The following RORA variants were observed in gnomAD, a reference collection of about 807,000 sequenced individuals.
RORA encodes the protein nuclear receptor ROR-alpha.
In RORA, 7 loss-of-function variants were observed where a neutral mutation model predicts 69.5. That is an observed-to-expected ratio of 0.10 (90% CI 0.06 to 0.19). The LOEUF is 0.19. Ranked by LOEUF, RORA falls within the 10% of genes least tolerant of loss-of-function variation. The pLI, the probability that RORA is intolerant of heterozygous loss-of-function variation, is 1.00. For missense variants in RORA, 457 were observed against 663.0 expected (o/e 0.69, Z 3.41); for synonymous variants, 261 against 240.8 (o/e 1.08, Z -0.78).
chr15:60,639,540 T>C (rs1009166094), intron 2 of RORA, among the ~76,000 whole-genome samples: 5 of 152,154 alleles, frequency 3.3e-5, no homozygotes, highest in African/African-American at 1.2e-4. Context: ...GCTCAGATAC[T>C]GTCAAGGCCA....
rs1321194732 is a variant in RORA, at chr15:61,147,365, T to C, written c.166+81688A>G. On this transcript the variant is annotated intron_variant, in intron 1 of 10. Transcript: ENST00000335670. The surrounding 1 kb of genome is among the most constrained non-coding windows in gnomAD (Gnocchi z 4.1). ...CTTCCAGTTCCTGCTGGAAGCCATG[T>C]TGCCTGGGCACCGTGAGGCTCACCC... Among the ~76,000 whole-genome samples the C allele has an allele frequency of 6.6e-6, 1 of 152,136 alleles. No individual in the cohort carries two copies. The highest frequency in any genetic ancestry group is 1.5e-5 in the Non-Finnish European group (1 of 68,018).
intron 2 of RORA, among the ~76,000 whole-genome samples, chr15:60,565,463 A>T (rs896012455): frequency 6.6e-6 from 1 of 152,226 alleles, no homozygotes; most frequent in Admixed American, 6.5e-5. Flanking sequence ...CATTTGTCCA[A>T]TATCGTCCCA....
intron 1 of RORA, among the ~76,000 whole-genome samples, chr15:60,736,377 C>T (rs1273134455): frequency 6.6e-6 from 1 of 152,100 alleles, no homozygotes; most frequent in Non-Finnish European, 1.5e-5. Context: ...TTCCAACTAG[C>T]AATAATCAGG....
chr15:61,153,022 G>A (rs74018506), intron 1 of RORA, among the ~76,000 whole-genome samples: 7,470 of 152,174 alleles, frequency 0.049, 196 homozygotes, highest in Middle Eastern at 0.099. Flanking sequence ...CCTTTGAAGG[G>A]TGGGTAGGTG....
chr15:60,986,573 G>C (rs1433382773), intron 1 of RORA, among the ~76,000 whole-genome samples: 1 of 152,190 alleles, frequency 6.6e-6, no homozygotes, highest in Non-Finnish European at 1.5e-5. Flanking sequence ...GGGAGCTTTA[G>C]ACATGGGCTC....
Position 60,610,915 on chromosome 15 carries a change from A to AT in RORA, c.196+67741dup, listed in dbSNP as rs201891410. On this transcript the variant is annotated intron_variant, in intron 2 of 10. Transcript: ENST00000335670. ...AAATGATTCTGTTTTCATGCAGATC[A>AT]TTGTCGATAACTCCTCAGGACTGAG... is the stretch of plus-strand genomic sequence containing the variant. Among the ~76,000 whole-genome samples the AT allele has an allele frequency of 3.9e-3, 587 of 152,318 alleles. 9 individuals are homozygous for AT. The highest frequency in any genetic ancestry group is 0.023 in the Admixed American group (346 of 15,300).
At chr15:60,997,039 T>TTGTGTG (rs10687177) in intron 1 of RORA, among the ~76,000 whole-genome samples, 90 of 148,416 alleles carry the variant, frequency 6.1e-4, no homozygotes, top group East Asian at 3.2e-3. Flanking sequence ...ATATTGGGGT[T>TTGTGTG]TGTGTGTGTG....
intron 1 of RORA, among the ~76,000 whole-genome samples, chr15:61,227,495 T>A (rs2080158038): frequency 6.6e-6 from 1 of 152,114 alleles, no homozygotes; most frequent in African/African-American, 2.4e-5. Context: ...TTAAATGTTT[T>A]TCGCGTGTGT....
intron 1 of RORA, among the ~76,000 whole-genome samples, chr15:60,992,681 G>A (rs1051663150): frequency 4.3e-5 from 6 of 139,024 alleles, no homozygotes; most frequent in Non-Finnish European, 9.6e-5. Flanking sequence ...CTCTGACACC[G>A]TGGATGTTTT....
intron 1 of RORA, among the ~76,000 whole-genome samples, chr15:61,086,041 C>T (rs2078619978): frequency 1.3e-5 from 2 of 152,242 alleles, no homozygotes; most frequent in Admixed American, 1.3e-4. Context: ...TAGTCTCACA[C>T]ATTGTGTAAA....
At chr15:60,972,789 G>T (rs1893757165) in intron 1 of RORA, among the ~76,000 whole-genome samples, 1 of 152,126 alleles carries the variant, frequency 6.6e-6, no homozygotes, top group Non-Finnish European at 1.5e-5. Context: ...TTTAAATGTG[G>T]TAAAGCATGT....
rs1218889727 is a variant in RORA, at chr15:61,229,057, G to T, written c.162C>A (p.Ser54Arg). Reference protein sequence around the residue: ...PVRRQSYSSTSRGISVTKKTH... With the variant: ...PVRRQSYSSTRRGISVTKKTH... The stretch of plus-strand genomic sequence containing the variant: ...AGCCCCTCTCCAGCCTCCTACCTCT[G>T]CTGGTGCTGGAATAGCTCTGTCTGC... The change falls in exon 1 of 11, where the codon AGC becomes AGA. Residue 54 changes from serine to arginine, a missense_variant. Ser to Arg is a moderately radical substitution (Grantham distance 110, BLOSUM62 -1). Transcript: ENST00000335670. 6.6e-7 allele frequency: 1 copy of T among 1,523,340 alleles called. No individual in the cohort carries two copies. Among genetic ancestry groups the T allele is most frequent in the Non-Finnish European group, 8.8e-7 (1 of 1,135,482 alleles). 94.4% of individuals were successfully genotyped at this position (1,523,340 alleles called of 1,614,324 possible).
intron 1 of RORA, among the ~76,000 whole-genome samples, chr15:60,975,816 TCTTA>T (rs2140355665): frequency 6.6e-6 from 1 of 152,330 alleles, no homozygotes; most frequent in South Asian, 2.1e-4. Context: ...ATGTGTCCCC[TCTTA>T]CTTCACAGCC....
At position 61,128,086 on chromosome 15, in the gene RORA, G is replaced by A. The variant is rs140121848; in HGVS notation, c.166+100967C>T. 1.1e-3 allele frequency among the ~76,000 whole-genome samples: 170 copies of A among 152,218 alleles called. No individual in the cohort carries two copies. Among genetic ancestry groups the A allele is most frequent in the African/African-American group, 4.0e-3 (167 of 41,528 alleles). On this transcript the variant is annotated intron_variant, in intron 1 of 10. Transcript: ENST00000335670. This position sits in a 1 kb window ranked among gnomAD's most constrained non-coding sequence, Gnocchi z 4.5. ...AGGGAAGGAGAAAGGGAGGGAAAAT[G>A]CTTTTGGTTTCACACTGAAACATAA...
chr15:60,562,435 G>C (rs55731630), intron 2 of RORA, among the ~76,000 whole-genome samples: 4,913 of 148,262 alleles, frequency 0.033, 272 homozygotes, highest in African/African-American at 0.11. Flanking sequence ...CGGGGTTGGG[G>C]GGGGGTTGCT....
chr15:61,073,800 G>A (rs2078406424), intron 1 of RORA, among the ~76,000 whole-genome samples: 1 of 152,130 alleles, frequency 6.6e-6, no homozygotes, highest in East Asian at 1.9e-4. Flanking sequence ...AAAGATGTTG[G>A]GGTTTTCTGG....
At chr15:60,583,293 T>C (rs1567104834) in intron 2 of RORA, among the ~76,000 whole-genome samples, 5 of 152,218 alleles carry the variant, frequency 3.3e-5, no homozygotes, top group Admixed American at 6.5e-5. Flanking sequence ...AGATGCTCAG[T>C]GCCTGAGAAA....
chr15:61,215,473 C>T (rs1044981105), intron 1 of RORA, among the ~76,000 whole-genome samples: 4 of 152,184 alleles, frequency 2.6e-5, no homozygotes, highest in Non-Finnish European at 4.4e-5. Context: ...TTGAAACAAA[C>T]GTAGAAAGCC....
chr15:61,035,860 T>C (rs1319581640), intron 1 of RORA, among the ~76,000 whole-genome samples: 2 of 152,096 alleles, frequency 1.3e-5, no homozygotes, highest in African/African-American at 4.8e-5. Flanking sequence ...TATTAACCCA[T>C]AGGCATTCAT....
Sources: gnomAD v4.1 joint callset for allele counts (sites outside exome capture counted in the v4.1 genomes callset) on GRCh38, gnomAD v4.1.1 for gene constraint, Gnocchi (gnomAD v3.1) non-coding constraint, MANE v1.5 for transcripts, NCBI Gene and HGNC (gene_info 2026-07-23, HGNC 2026-07-21) for gene names.